The following FBXO11 variants were observed in gnomAD, a reference collection of about 807,000 sequenced individuals.
FBXO11 encodes the protein F-box protein 11.
In FBXO11, 13 loss-of-function variants were observed where a neutral mutation model predicts 117.0. The observed-to-expected ratio is 0.11, with a 90% CI of 0.07 to 0.18. The LOEUF is 0.18. Ranked by LOEUF, FBXO11 falls within the 10% of genes least tolerant of loss-of-function variation. The pLI is 1.00. For missense variants in FBXO11, 767 were observed against 1,164.4 expected, an observed-to-expected ratio of 0.66 and a Z score of 4.97; for synonymous variants, 490 against 380.5, an observed-to-expected ratio of 1.29 and a Z score of -3.35.
At chr2:47,841,442 C>A (rs1029540680) in intron 1 of FBXO11, among the ~76,000 whole-genome samples, 1 of 152,066 alleles carries the variant, frequency 6.6e-6, no homozygotes, top group Non-Finnish European at 1.5e-5. Context: ...ACAAAAACAA[C>A]CAGTAGTGTA....
intron 16 of FBXO11, among the ~76,000 whole-genome samples, chr2:47,816,877 T>C (rs1671040806): frequency 6.6e-6 from 1 of 152,106 alleles, no homozygotes; most frequent in African/African-American, 2.4e-5. Context: ...ACAGGCAGAG[T>C]AGATTTAGCA....
intron 1 of FBXO11, among the ~76,000 whole-genome samples, chr2:47,867,083 A>G (rs1675252599): frequency 1.3e-5 from 2 of 152,188 alleles, no homozygotes; most frequent in South Asian, 4.1e-4. Context: ...TTTGTCTAAC[A>G]TTGCTTCATT....
chr2:47,876,957 A>G (rs766971990), intron 1 of FBXO11, among the ~76,000 whole-genome samples: 4 of 151,604 alleles, frequency 2.6e-5, no homozygotes, highest in Non-Finnish European at 4.4e-5. Context: ...TTCTGGGTGA[A>G]TTCCTTAATA....
chr2:47,851,988 A>ATTT (rs1673898714), intron 1 of FBXO11, among the ~76,000 whole-genome samples: 2 of 143,016 alleles, frequency 1.4e-5, no homozygotes, highest in Non-Finnish European at 1.6e-5. Flanking sequence ...TCAAGCAACC[A>ATTT]ATTTTTTTTT....
intron 18 of FBXO11, chr2:47,811,638 A>G (rs200620117): frequency 1.3e-5 from 2 of 152,350 alleles, no homozygotes; most frequent in East Asian, 1.9e-4. Context: ...TGACCTTACT[A>G]ATGTTTTCCA....
intron 1 of FBXO11, among the ~76,000 whole-genome samples, chr2:47,849,000 T>C (rs906896978): frequency 1.3e-5 from 2 of 152,202 alleles, no homozygotes; most frequent in Non-Finnish European, 2.9e-5. Flanking sequence ...CCAATTTACT[T>C]ACCCATAGTC....
chr2:47,866,932 T>C (rs182476406), intron 1 of FBXO11, among the ~76,000 whole-genome samples: 1 of 152,318 alleles, frequency 6.6e-6, no homozygotes, highest in Admixed American at 6.5e-5. Flanking sequence ...CTCTGCAAAA[T>C]GTTTTGTGTT....
chr2:47,809,496 T>C, intron 20 of FBXO11, 104 bp downstream of exon 20: 1 of 846,972 alleles, frequency 1.2e-6, no homozygotes, highest in Non-Finnish European at 1.9e-6. Flanking sequence ...CTTAAACTGT[T>C]GCTAACTTGG....
chr2:47,848,908 C>G (rs1673624716), intron 1 of FBXO11, among the ~76,000 whole-genome samples: 1 of 152,070 alleles, frequency 6.6e-6, no homozygotes, highest in Admixed American at 6.6e-5. Context: ...GGTTTAAAGT[C>G]TACACATTTT....
intron 1 of FBXO11, among the ~76,000 whole-genome samples, chr2:47,894,464 T>C (rs78126758): frequency 0.071 from 10,863 of 152,120 alleles, 552 homozygotes; most frequent in Non-Finnish European, 0.11. Context: ...AGAAACAAAA[T>C]TACTTATCAC....
chr2:47,810,504 C>G, intron 18 of FBXO11, 78 bp from the exon 19 acceptor site: 1 of 811,824 alleles, frequency 1.2e-6, no homozygotes, highest in South Asian at 2.0e-5. Flanking sequence ...TTTAGGTTTG[C>G]TTTTAGTTTC....
rs1273313586 is a variant in FBXO11 at position 47,809,681 on chromosome 2, C to A, written c.2365G>T (p.Ala789Ser). ...AAAATCTGATTGCCTTCTAGTGTTGCAGTTGCGTGATTTGTAATTTCAATA... is the reference window on the plus strand; with the variant it reads ...AAAATCTGATTGCCTTCTAGTGTTGAAGTTGCGTGATTTGTAATTTCAATA... ...AGIEITNHAT[A>S]TLEGNQIFNN... The change falls in exon 20 of 23, where the codon GCA becomes TCA. Residue 789 changes from alanine (A) to serine (S), a missense_variant. Coordinates refer to ENST00000403359, the MANE Select transcript of FBXO11 (RefSeq NM_001190274.2). The A allele has an allele frequency of 1.2e-6, 2 of 1,613,338 alleles. No individual in the cohort carries two copies. The highest frequency in any genetic ancestry group is 8.5e-7 in the Non-Finnish European group (1 of 1,179,674).
chr2:47,834,249 T>G (rs973529169), intron 7 of FBXO11, among the ~76,000 whole-genome samples: 2 of 151,766 alleles, frequency 1.3e-5, no homozygotes, highest in African/African-American at 4.8e-5. Context: ...ACTTGAGAGG[T>G]TGAGGCATGA....
intron 1 of FBXO11, among the ~76,000 whole-genome samples, chr2:47,873,840 A>C (rs1293595132): frequency 1.3e-5 from 2 of 152,182 alleles, no homozygotes; most frequent in Non-Finnish European, 2.9e-5. Flanking sequence ...AACTTACCAC[A>C]TTTTCATCCC....
chr2:47,886,501 CA>C (rs368848073), intron 1 of FBXO11, among the ~76,000 whole-genome samples: 11,576 of 82,538 alleles, frequency 0.14, 411 homozygotes, highest in Non-Finnish European at 0.17. Flanking sequence ...GCGAGACTCT[CA>C]AAAAAAAAAA....
At chr2:47,900,667 CGTATATACACACGTAT>C (rs1558486834) in intron 1 of FBXO11, among the ~76,000 whole-genome samples, 3 of 37,686 alleles carry the variant, frequency 8.0e-5, no homozygotes, top group African/African-American at 3.9e-4. Flanking sequence ...CACACACGTA[CGTATATACACACGTAT>C]ACACACACGT....
At chr2:47,827,756 G>C (rs920330187) in intron 11 of FBXO11, among the ~76,000 whole-genome samples, 7 of 151,686 alleles carry the variant, frequency 4.6e-5, no homozygotes, top group African/African-American at 1.7e-4. Flanking sequence ...GAGCGCAGTG[G>C]TATGATCTTG....
chr2:47,905,293 A>C, intron 1 of FBXO11, 196 bp downstream of exon 1: 1 of 381,744 alleles, frequency 2.6e-6, no homozygotes. Flanking sequence ...GCGAGAAGGG[A>C]AGCCGCGGCT....
intron 5 of FBXO11, among the ~76,000 whole-genome samples, chr2:47,835,238 A>T (rs1672462954): frequency 6.6e-6 from 1 of 152,168 alleles, no homozygotes; most frequent in African/African-American, 2.4e-5. Flanking sequence ...ACATCGCCAA[A>T]TGTCCCACAG....
Sources: gnomAD v4.1 joint callset for allele counts (sites outside exome capture counted in the v4.1 genomes callset) on GRCh38, gnomAD v4.1.1 for gene constraint, MANE v1.5 for transcripts, NCBI Gene and HGNC (gene_info 2026-07-23, HGNC 2026-07-21) for gene names.